Variants in EPHB2 observed in about 807,000 individuals in gnomAD.
EPHB2 encodes the protein EPH receptor B2, also known as ephrin type-B receptor 2.
A neutral mutation model predicts 96.4 loss-of-function variants in EPHB2; 18 were observed. The ratio of observed to expected loss-of-function variants is 0.19; its 90% confidence interval spans 0.13 to 0.28. The LOEUF (loss-of-function observed/expected upper bound fraction) is 0.28. Among genes scored for constraint, EPHB2 ranks in the 10% least tolerant of loss-of-function variants. EPHB2 has a pLI of 1.00. For synonymous variants in EPHB2, 506 were observed against 534.1 expected (o/e 0.95, Z 0.72); for missense variants, 989 against 1,355.4 (o/e 0.73, Z 4.25).
chr1:22,822,925 G>A (rs1019093584), intron 3 of EPHB2, among the ~76,000 whole-genome samples: 1 of 152,260 alleles, frequency 6.6e-6, no homozygotes, highest in Non-Finnish European at 1.5e-5. Flanking sequence ...CTGCGTGGCA[G>A]AGAACAGCAG....
chr1:22,775,994 G>A (rs531309512), intron 1 of EPHB2, among the ~76,000 whole-genome samples: 117 of 152,310 alleles, frequency 7.7e-4, no homozygotes, highest in Non-Finnish European at 1.3e-3. Context: ...AGAGTGGGAG[G>A]TGGGTGGTAC....
chr1:22,797,684 C>T (rs1459044642), intron 3 of EPHB2, among the ~76,000 whole-genome samples: 1 of 152,158 alleles, frequency 6.6e-6, no homozygotes, highest in Non-Finnish European at 1.5e-5. Flanking sequence ...CCCTAGGATG[C>T]TTGGTCTGGC....
intron 3 of EPHB2, among the ~76,000 whole-genome samples, chr1:22,788,808 G>A (rs575797181): frequency 1.3e-4 from 19 of 147,164 alleles, no homozygotes; most frequent in East Asian, 2.1e-4. Flanking sequence ...AGGCTGGAGC[G>A]TAGTGGTGCA....
At chr1:22,779,460 C>A (rs976659804) in intron 1 of EPHB2, among the ~76,000 whole-genome samples, 2 of 152,146 alleles carry the variant, frequency 1.3e-5, no homozygotes, top group Non-Finnish European at 2.9e-5. Context: ...ACTGGGGTCA[C>A]CTCTGACCAA....
intron 1 of EPHB2, among the ~76,000 whole-genome samples, chr1:22,720,520 C>T (rs1016875195): frequency 5.3e-5 from 8 of 152,084 alleles, no homozygotes; most frequent in Non-Finnish European, 1.2e-4. Flanking sequence ...TCTAGACGCC[C>T]CCTTACTGGG....
At chr1:22,745,425 G>A (rs530704822) in intron 1 of EPHB2, among the ~76,000 whole-genome samples, 20 of 152,318 alleles carry the variant, frequency 1.3e-4, no homozygotes, top group Admixed American at 5.9e-4. Flanking sequence ...AGTCAGGATC[G>A]CGATTGCCTA....
At chr1:22,795,594 T>C (rs1421692095) in intron 3 of EPHB2, among the ~76,000 whole-genome samples, 1 of 152,216 alleles carries the variant, frequency 6.6e-6, no homozygotes, top group Non-Finnish European at 1.5e-5. Flanking sequence ...CCAGAAAAGA[T>C]TGGAGGCTGC....
intron 1 of EPHB2, chr1:22,774,462 A>G: frequency 1.7e-6 from 1 of 587,986 alleles, no homozygotes; most frequent in Non-Finnish European, 2.1e-6. Context: ...GGAGGCTTTG[A>G]GCTCAGTTTT....
intron 1 of EPHB2, among the ~76,000 whole-genome samples, chr1:22,736,715 A>G (rs1269655408): frequency 1.3e-5 from 2 of 152,222 alleles, no homozygotes; most frequent in East Asian, 3.9e-4. Flanking sequence ...GGCGCTGCCC[A>G]GACCCCGGGC....
At chr1:22,863,861 G>A (rs755079795) in intron 4 of EPHB2, among the ~76,000 whole-genome samples, 5 of 152,096 alleles carry the variant, frequency 3.3e-5, no homozygotes, top group Non-Finnish European at 7.3e-5. Flanking sequence ...GAATACCTGG[G>A]ATTACAGGCG....
intron 3 of EPHB2, among the ~76,000 whole-genome samples, chr1:22,808,797 C>T (rs766878512): frequency 3.3e-5 from 5 of 152,214 alleles, no homozygotes; most frequent in African/African-American, 9.6e-5. Context: ...AAGTAACTTA[C>T]CCAACACCAC....
At chr1:22,745,670 G>T (rs1470471963) in intron 1 of EPHB2, among the ~76,000 whole-genome samples, 1 of 152,048 alleles carries the variant, frequency 6.6e-6, no homozygotes, top group African/African-American at 2.4e-5. Context: ...CTCTGAAAGG[G>T]GGTGGTCACA....
chr1:22,841,790 C>T (rs897452233), intron 3 of EPHB2, among the ~76,000 whole-genome samples: 1 of 152,214 alleles, frequency 6.6e-6, no homozygotes, highest in African/African-American at 2.4e-5. Context: ...CCGGAAGTGT[C>T]CATCATTTGA....
intron 1 of EPHB2, among the ~76,000 whole-genome samples, chr1:22,754,828 G>A (rs1252461569): frequency 2.8e-5 from 4 of 143,350 alleles, no homozygotes; most frequent in Non-Finnish European, 4.6e-5. Context: ...AGGGAGGTGA[G>A]GGGCAGGGGA....
At chr1:22,863,238 G>A in intron 4 of EPHB2, 46 bp downstream of exon 4, 1 of 1,613,362 alleles carries the variant, frequency 6.2e-7, no homozygotes, top group Non-Finnish European at 8.5e-7. Flanking sequence ...CGAGTCCCAG[G>A]TCTACCTGCA....
intron 1 of EPHB2, among the ~76,000 whole-genome samples, chr1:22,716,422 C>T (rs1437466048): frequency 6.6e-6 from 1 of 152,114 alleles, no homozygotes; most frequent in African/African-American, 2.4e-5. Flanking sequence ...ACCTCCGCCT[C>T]CCGGGTTCAA....
chr1:22,798,713 T>C (rs1362284224), intron 3 of EPHB2, among the ~76,000 whole-genome samples: 1 of 152,120 alleles, frequency 6.6e-6, no homozygotes, highest in African/African-American at 2.4e-5. Context: ...TGAGACTGAC[T>C]GACTTGGTTA....
rs747369297 is a variant in EPHB2, at chr1:22,896,478, A to G, written c.1765A>G (p.Met589Val). The G allele has an allele frequency of 6.2e-6, 10 of 1,614,162 alleles. No homozygotes were observed. The Admixed American group carries it at 1.7e-4, about 27-fold the overall frequency. Residue 589 changes from methionine (M) to valine (V), a missense_variant and splice_region_variant, in exon 9 of 16, where the codon ATG becomes GTG. Transcript: ENST00000374630. ...GCTGCAACACTACACCAGTGGCCAC[A>G]GTATGTACACACCCAAGCGGGCTGG... ...DKLQHYTSGH[M>V]TPGMKIYIDP...
At chr1:22,852,079 G>A (rs113081380) in intron 3 of EPHB2, among the ~76,000 whole-genome samples, 1 of 152,238 alleles carries the variant, frequency 6.6e-6, no homozygotes, top group Non-Finnish European at 1.5e-5. Context: ...CTGTGAAACA[G>A]AGATCATCAT....
Sources: allele counts gnomAD v4.1 joint callset (sites outside exome capture counted in the v4.1 genomes callset), GRCh38; gene constraint gnomAD v4.1.1; transcripts MANE v1.5; gene names NCBI Gene and HGNC (gene_info 2026-07-23, HGNC 2026-07-21).